The following LRBA variants were observed in gnomAD, a reference collection of about 807,000 sequenced individuals.
LRBA encodes the protein LPS responsive beige-like anchor protein, also known as lipopolysaccharide-responsive and beige-like anchor protein.
LRBA carries 176 observed loss-of-function variants against 330.0 expected under a neutral mutation model. The ratio of observed to expected loss-of-function variants is 0.53; its 90% CI spans 0.47 to 0.60. LRBA has a LOEUF of 0.60. Ranked by LOEUF, LRBA falls within the 20% of genes least tolerant of loss-of-function variation. LRBA has a pLI of 0.00. For missense variants in LRBA, 3,259 were observed against 3,444.8 expected, an observed-to-expected ratio of 0.95 and a Z score of 1.35; for synonymous variants, 1,230 against 1,193.0, an observed-to-expected ratio of 1.03 and a Z score of -0.64.
intron 40 of LRBA, among the ~76,000 whole-genome samples, chr4:150,509,002 TA>T (rs1761505392): frequency 6.6e-6 from 1 of 152,158 alleles, no homozygotes; most frequent in African/African-American, 2.4e-5. Context: ...AGAAGTAAAT[TA>T]AAAATCAGTA....
chr4:150,758,360 T>C (rs764575016), intron 35 of LRBA, among the ~76,000 whole-genome samples: 8 of 152,156 alleles, frequency 5.3e-5, no homozygotes, highest in African/African-American at 1.2e-4. Context: ...GCATTTGGTA[T>C]CTCTTCTTAC....
intron 33 of LRBA, among the ~76,000 whole-genome samples, chr4:150,800,504 A>G (rs1318391785): frequency 1.3e-5 from 2 of 152,220 alleles, no homozygotes; most frequent in Non-Finnish European, 2.9e-5. Flanking sequence ...ATTTTTGCCA[A>G]TGGATGACAC....
intron 47 of LRBA, among the ~76,000 whole-genome samples, chr4:150,404,190 G>A (rs1194135521): frequency 6.6e-6 from 1 of 152,120 alleles, no homozygotes; most frequent in East Asian, 1.9e-4. Context: ...TTGCAATTTA[G>A]TTATGGACAT....
chr4:150,825,996 C>CA (rs533128655), intron 30 of LRBA, among the ~76,000 whole-genome samples: 4 of 151,812 alleles, frequency 2.6e-5, no homozygotes, highest in Non-Finnish European at 2.9e-5. Context: ...AAAAACAAAA[C>CA]AAAAAAAACT....
chr4:150,668,757 A>G (rs935004632), intron 37 of LRBA, among the ~76,000 whole-genome samples: 1 of 152,238 alleles, frequency 6.6e-6, no homozygotes, highest in Non-Finnish European at 1.5e-5. Flanking sequence ...AACAAGTACC[A>G]TAACATGGGA....
intron 47 of LRBA, among the ~76,000 whole-genome samples, chr4:150,401,818 C>G (rs904839682): frequency 6.6e-6 from 1 of 151,414 alleles, no homozygotes; most frequent in Non-Finnish European, 1.5e-5. Context: ...ATGTAACTTA[C>G]CTTAAGGAAT....
intron 35 of LRBA, among the ~76,000 whole-genome samples, chr4:150,741,540 T>C (rs1329075122): frequency 6.6e-6 from 1 of 152,176 alleles, no homozygotes; most frequent in Admixed American, 6.5e-5. Context: ...ACAGGGACTC[T>C]TATAATCACA....
Position 150,559,709 on chromosome 4 carries a change from A to AATATATTATATTATATATTATATATTAT in LRBA, c.6330+28338_6330+28339insATAATATATAATATATAATATAATATAT, listed in dbSNP as rs1767903236. Among the ~76,000 whole-genome samples, 3 of 89,570 alleles carry AATATATTATATTATATATTATATATTAT rather than the reference A, an allele frequency of 3.3e-5. No homozygotes were observed. The South Asian group carries it at 7.6e-4, about 23-fold the overall frequency. The allele number at this position is 89,570 out of a possible 152,430, so 58.8% of individuals were successfully genotyped here. On this transcript the variant is annotated intron_variant, in intron 40 of 56. Transcript: ENST00000651943. The stretch of plus-strand genomic sequence containing the variant: ...TTATATTATATATTATATATTATAT[A>AATATATTATATTATATATTATATATTAT]ATATTATAGATTATATAATATATAA...
At chr4:150,514,102 C>T (rs1223901920) in intron 40 of LRBA, among the ~76,000 whole-genome samples, 1 of 152,108 alleles carries the variant, frequency 6.6e-6, no homozygotes, top group Non-Finnish European at 1.5e-5. Context: ...GATGGAGTTT[C>T]ACTCTTGTCA....
At chr4:150,592,152 T>G (rs180843595) in intron 38 of LRBA, among the ~76,000 whole-genome samples, 46 of 136,036 alleles carry the variant, frequency 3.4e-4, no homozygotes, top group African/African-American at 5.9e-4. Flanking sequence ...GGGTTTTTTT[T>G]TTTTTTTTTT....
intron 38 of LRBA, chr4:150,597,067 A>T: frequency 7.8e-7 from 1 of 1,290,222 alleles, no homozygotes; most frequent in Non-Finnish European, 1.1e-6. Context: ...ACTATAAAAT[A>T]TTACTCAATG....
In LRBA at chr4:151,003,705, T is replaced by C. The variant is rs113772483; in HGVS notation, c.216+10722A>G. ...TACTCAGGAGGCTGAGGTGGGAGGA[T>C]TGCTTGAGCCCGGGAGGCTGGGGTT... On this transcript the variant is annotated intron_variant, in intron 2 of 56. Transcript: ENST00000651943. 4.6e-4 allele frequency among the ~76,000 whole-genome samples: 70 copies of C among 151,844 alleles called. 1 individual carries two copies. Among genetic ancestry groups the C allele is most frequent in the African/African-American group, 1.3e-3 (54 of 41,404 alleles).
chr4:150,646,750 C>T (rs1488417731), intron 37 of LRBA, among the ~76,000 whole-genome samples: 2 of 152,062 alleles, frequency 1.3e-5, no homozygotes, highest in Admixed American at 6.6e-5. Context: ...ATAGGTTGCA[C>T]ATACCAAATT....
chr4:150,738,076 T>C (rs1044243625), intron 35 of LRBA, among the ~76,000 whole-genome samples: 2 of 148,790 alleles, frequency 1.3e-5, no homozygotes, highest in Non-Finnish European at 3.0e-5. Context: ...CTGCAACCTC[T>C]GCCTCCTGGG....
chr4:150,844,774 C>T lies in LRBA; in HGVS notation c.4345G>A (p.Ala1449Thr), dbSNP rs780513482. 2.5e-6 allele frequency: 4 copies of T among 1,609,210 alleles called. No individual in the cohort carries two copies. Among genetic ancestry groups the T allele is most frequent in the Middle Eastern group, 1.7e-4 (1 of 6,050 alleles). The change falls in exon 27 of 57, where the codon GCA becomes ACA. Residue 1449 changes from alanine to threonine, a missense_variant. Coordinates refer to ENST00000651943, the MANE Select transcript of LRBA (RefSeq NM_001364905.1). ...TCCAAGCAATTCCTTACTGCGACTG[C>T]ACAAACTGTAATTTATTTTAAGGAA... is the stretch of plus-strand genomic sequence containing the variant. Reference protein sequence around the residue: ...ILRQCLRLVCAVAVRNCLECQ... With the variant: ...ILRQCLRLVCTVAVRNCLECQ...
rs375580591 is a variant in LRBA, at chr4:150,914,915, T to C, written c.1015-574A>G. On this transcript the variant is annotated intron_variant, in intron 8 of 56. Transcript: ENST00000651943. ...CTTTCTGAGGTATGAATATTTTATG[T>C]CCATTTTCAGGAGGAAAAATGCTAA... Among the ~76,000 whole-genome samples, 4 of 152,266 alleles carry C rather than the reference T, an allele frequency of 2.6e-5. No homozygotes were observed. The East Asian group carries it at 5.8e-4, about 22-fold the overall frequency.
chr4:150,553,364 G>A (rs997747681), intron 40 of LRBA, among the ~76,000 whole-genome samples: 6 of 151,922 alleles, frequency 3.9e-5, no homozygotes, highest in Non-Finnish European at 8.8e-5. Context: ...TATACCTAAT[G>A]TAAATGACGA....
At chr4:150,822,590 C>A (rs1020278531) in intron 30 of LRBA, among the ~76,000 whole-genome samples, 1 of 151,792 alleles carries the variant, frequency 6.6e-6, no homozygotes, top group African/African-American at 2.4e-5. Flanking sequence ...AACAGAGCAA[C>A]ACCTCATCTC....
intron 37 of LRBA, among the ~76,000 whole-genome samples, chr4:150,630,709 T>C (rs1777291821): frequency 1.3e-5 from 2 of 152,250 alleles, no homozygotes; most frequent in Non-Finnish European, 2.9e-5. Flanking sequence ...TATTCCAAAT[T>C]TGCTAAACTT....
Sources: gnomAD v4.1 joint callset for allele counts (sites outside exome capture counted in the v4.1 genomes callset) on GRCh38, gnomAD v4.1.1 for gene constraint, MANE v1.5 for transcripts, NCBI Gene and HGNC (gene_info 2026-07-23, HGNC 2026-07-21) for gene names.